MARCHF1: variants seen among roughly 807,000 people sequenced by gnomAD.
The protein encoded by MARCHF1 is E3 ubiquitin-protein ligase MARCHF1.
In MARCHF1, 40 loss-of-function variants were observed where a neutral mutation model predicts 54.2. The ratio of observed to expected loss-of-function variants is 0.74; its 90% CI spans 0.57 to 0.96. The LOEUF (loss-of-function observed/expected upper bound fraction) is 0.96, where lower values mean the gene tolerates loss of function less well. MARCHF1 is among the 40% of genes least tolerant of loss of function. The pLI is 0.00. For synonymous variants in MARCHF1, 236 were observed against 236.3 expected (o/e 1.00, Z 0.01); for missense variants, 586 against 656.5 (o/e 0.89, Z 1.17).
intron 3 of MARCHF1, among the ~76,000 whole-genome samples, chr4:163,878,032 T>G (rs1470958861): frequency 6.6e-6 from 1 of 152,200 alleles, no homozygotes; most frequent in Non-Finnish European, 1.5e-5. Flanking sequence ...CTGAAGGTTT[T>G]CTTTCCTATG....
intron 5 of MARCHF1, among the ~76,000 whole-genome samples, chr4:163,687,231 CT>C (rs753785368): frequency 2.9e-3 from 415 of 142,706 alleles, no homozygotes; most frequent in Admixed American, 3.4e-3. Flanking sequence ...GAAGTCAGAT[CT>C]TTTTTTTTTT....
At chr4:164,148,681 G>C (rs1247047362) in intron 1 of MARCHF1, among the ~76,000 whole-genome samples, 1 of 152,072 alleles carries the variant, frequency 6.6e-6, no homozygotes, top group Non-Finnish European at 1.5e-5. Context: ...CTATTGTTAA[G>C]CATGTGCCAA....
chr4:163,644,045 A>AT (rs1742661553), intron 5 of MARCHF1, among the ~76,000 whole-genome samples: 1 of 131,844 alleles, frequency 7.6e-6, no homozygotes, highest in African/African-American at 2.5e-5. Context: ...GCCTCTTCAA[A>AT]ATTTTTTTTA....
At chr4:164,081,590 A>G (rs1755102783) in intron 2 of MARCHF1, among the ~76,000 whole-genome samples, 1 of 152,144 alleles carries the variant, frequency 6.6e-6, no homozygotes, top group African/African-American at 2.4e-5. Flanking sequence ...TTCACCTAGC[A>G]GCATGACACA....
chr4:163,583,142 AAG>A (rs1275680195), intron 8 of MARCHF1, among the ~76,000 whole-genome samples: 2 of 152,180 alleles, frequency 1.3e-5, no homozygotes, highest in Admixed American at 6.5e-5. Context: ...CAGGATCAGA[AAG>A]AGAGGGAAGG....
At chr4:163,628,132 G>T (rs1169378430) in intron 5 of MARCHF1, among the ~76,000 whole-genome samples, 1 of 151,964 alleles carries the variant, frequency 6.6e-6, no homozygotes, top group African/African-American at 2.4e-5. Flanking sequence ...CTATGAAAGA[G>T]AAAATGCAAA....
intron 1 of MARCHF1, among the ~76,000 whole-genome samples, chr4:164,125,980 G>T (rs188303922): frequency 1.3e-5 from 2 of 152,314 alleles, no homozygotes; most frequent in Admixed American, 1.3e-4. Context: ...AAAGTTTGAA[G>T]ACCACTGTGT....
chr4:164,092,883 G>A (rs1755333882), intron 2 of MARCHF1, among the ~76,000 whole-genome samples: 1 of 152,048 alleles, frequency 6.6e-6, no homozygotes, highest in Admixed American at 6.6e-5. Flanking sequence ...ATTTTCTAAA[G>A]CTTCTCTTAT....
chr4:164,360,592 C>A (rs951061429), intron 1 of MARCHF1, among the ~76,000 whole-genome samples: 2 of 152,040 alleles, frequency 1.3e-5, no homozygotes, highest in Non-Finnish European at 2.9e-5. Flanking sequence ...GTTTAAGTGT[C>A]GATTTTTCAG....
chr4:163,867,627 T>G (rs1042577738), intron 3 of MARCHF1, among the ~76,000 whole-genome samples: 3 of 151,840 alleles, frequency 2.0e-5, no homozygotes, highest in African/African-American at 7.2e-5. Context: ...AGGCTTTCTT[T>G]TTTTGCAGTA....
At chr4:163,599,675 A>G (rs77092830) in intron 7 of MARCHF1, among the ~76,000 whole-genome samples, 3,177 of 152,242 alleles carry the variant, frequency 0.021, 112 homozygotes, top group African/African-American at 0.072. Flanking sequence ...TTTACCATGC[A>G]TCAGACTCGC....
chr4:163,813,146 T>A (rs942238244), intron 4 of MARCHF1, among the ~76,000 whole-genome samples: 10 of 152,084 alleles, frequency 6.6e-5, no homozygotes, highest in Non-Finnish European at 1.5e-4. Context: ...TCTCAGCTCA[T>A]ACACTTGCCA....
intron 2 of MARCHF1, among the ~76,000 whole-genome samples, chr4:164,082,702 G>A (rs1350248347): frequency 6.6e-6 from 1 of 152,144 alleles, no homozygotes; most frequent in Non-Finnish European, 1.5e-5. Context: ...GCTAAAAACA[G>A]ACTAATTCAT....
chr4:163,718,519 C>G (rs549682653), intron 4 of MARCHF1, among the ~76,000 whole-genome samples: 1 of 152,192 alleles, frequency 6.6e-6, no homozygotes, highest in African/African-American at 2.4e-5. Context: ...AATAACTGCT[C>G]TATGAGATCA....
At chr4:164,166,495 T>C (rs1024784580) in intron 1 of MARCHF1, among the ~76,000 whole-genome samples, 3 of 151,910 alleles carry the variant, frequency 2.0e-5, no homozygotes, top group Non-Finnish European at 4.4e-5. Context: ...AAGGAAAACA[T>C]CCCAACATAT....
At chr4:163,716,414 G>C (rs1449406387) in intron 4 of MARCHF1, among the ~76,000 whole-genome samples, 1 of 152,162 alleles carries the variant, frequency 6.6e-6, no homozygotes, top group East Asian at 1.9e-4. Context: ...GACATTCTTA[G>C]GTGTTGATGC....
chr4:164,131,308 T>C (rs1188145753), intron 1 of MARCHF1, among the ~76,000 whole-genome samples: 1 of 152,134 alleles, frequency 6.6e-6, no homozygotes, highest in Non-Finnish European at 1.5e-5. Flanking sequence ...ATAAAGTATA[T>C]GCAGGTATGA....
intron 4 of MARCHF1, among the ~76,000 whole-genome samples, chr4:163,767,849 A>G (rs1747035535): frequency 6.6e-6 from 1 of 152,200 alleles, no homozygotes. Context: ...AAAATAGGTT[A>G]ATTTTCTGCA....
intron 5 of MARCHF1, among the ~76,000 whole-genome samples, chr4:163,659,119 T>G (rs1391561620): frequency 6.6e-6 from 1 of 152,018 alleles, no homozygotes; most frequent in Non-Finnish European, 1.5e-5. Flanking sequence ...TTTCTTGTTC[T>G]GCTCTTCCTC....
Sources: gnomAD v4.1 joint callset for allele counts (sites outside exome capture counted in the v4.1 genomes callset) on GRCh38, gnomAD v4.1.1 for gene constraint, MANE v1.5 for transcripts, NCBI Gene and HGNC (gene_info 2026-07-23, HGNC 2026-07-21) for gene names.